ARHGEF10: variants seen among roughly 807,000 people sequenced by gnomAD.
ARHGEF10 encodes the protein Rho guanine nucleotide exchange factor (GEF) 10.
Under a neutral mutation model 147.4 loss-of-function variants are expected in ARHGEF10, and 140 were observed. That is an observed-to-expected ratio of 0.95 (90% CI 0.83 to 1.09). The LOEUF (loss-of-function observed/expected upper bound fraction) is 1.09, where lower values mean the gene tolerates loss of function less well. ARHGEF10 is among the 50% of genes least tolerant of loss of function. The pLI, the probability that ARHGEF10 is intolerant of heterozygous loss-of-function variation, is 0.00. For missense variants in ARHGEF10, 2,222 were observed against 1,752.7 expected (o/e 1.27, Z -4.78); for synonymous variants, 902 against 695.8 (o/e 1.30, Z -4.67).
At chr8:1,930,446 A>G (rs1316847687) in intron 25 of ARHGEF10, among the ~76,000 whole-genome samples, 1 of 151,892 alleles carries the variant, frequency 6.6e-6, no homozygotes, top group Non-Finnish European at 1.5e-5. Context: ...CATTCTCCAA[A>G]TATTTGTTAT....
At chr8:1,844,437 G>GGTA (rs1563165671) in intron 2 of ARHGEF10, among the ~76,000 whole-genome samples, 2 of 113,812 alleles carry the variant, frequency 1.8e-5, no homozygotes, top group African/African-American at 6.1e-5. Flanking sequence ...GGGGCCTGCT[G>GGTA]GACGACAGAG....
rs914127501 is a variant in ARHGEF10, at chr8:1,958,588, A to T, written c.*1325A>T. On this transcript the variant is annotated 3_prime_UTR_variant, in exon 29 of 29. Coordinates refer to ENST00000349830, the MANE Select transcript of ARHGEF10 (RefSeq NM_014629.4). ...AAGTGATTTCTTCCCAAGCTTCTCAAACTGTTAGCTGCTGTCTGACTTCAT... is the reference window on the plus strand; with the variant it reads ...AAGTGATTTCTTCCCAAGCTTCTCATACTGTTAGCTGCTGTCTGACTTCAT... The T allele has an allele frequency of 1.3e-5, 2 of 152,062 alleles. No homozygotes were observed. The highest frequency in any genetic ancestry group is 2.9e-5 in the Non-Finnish European group (2 of 68,020). The allele number at this position is 152,062 out of a possible 1,614,324, so 9.4% of individuals were successfully genotyped here.
chr8:1,840,711 G>A (rs1157100965), intron 1 of ARHGEF10, among the ~76,000 whole-genome samples: 1 of 152,150 alleles, frequency 6.6e-6, no homozygotes, highest in African/African-American at 2.4e-5. Flanking sequence ...CCTCCCATGA[G>A]CGTCATTCCC....
chr8:1,910,880 A>G (rs1811305507), intron 18 of ARHGEF10, among the ~76,000 whole-genome samples: 1 of 152,230 alleles, frequency 6.6e-6, no homozygotes, highest in South Asian at 2.1e-4. Context: ...ACTTTGATCC[A>G]TAAAATAGTA....
At chr8:1,831,730 C>G (rs1803121915) in intron 1 of ARHGEF10, among the ~76,000 whole-genome samples, 1 of 152,256 alleles carries the variant, frequency 6.6e-6, no homozygotes, top group South Asian at 2.1e-4. Context: ...TCATGTACTG[C>G]TGTGCGGGTC....
intron 2 of ARHGEF10, among the ~76,000 whole-genome samples, chr8:1,844,426 C>T (rs150166609): frequency 0.074 from 2,323 of 31,292 alleles, 35 homozygotes; most frequent in African/African-American, 0.086. Context: ...CAGGGGTCAC[C>T]GGGGCCTGCT....
intron 15 of ARHGEF10, among the ~76,000 whole-genome samples, chr8:1,899,085 A>T (rs959597065): frequency 3.3e-5 from 5 of 152,196 alleles, no homozygotes; most frequent in African/African-American, 1.2e-4. Flanking sequence ...TAAACTAAGG[A>T]TTCTCAATTG....
intron 4 of ARHGEF10, among the ~76,000 whole-genome samples, chr8:1,861,226 G>C (rs897344445): frequency 6.6e-6 from 1 of 152,234 alleles, no homozygotes; most frequent in African/African-American, 2.4e-5. Context: ...CCCGTTCTCT[G>C]CTGTCCTTAC....
At position 1,928,501 on chromosome 8, in the gene ARHGEF10, G is replaced by A; in HGVS notation, c.2772G>A (p.Glu924=). Reference sequence around the variant, plus strand: ...AAAATTCCACTCCCAAAGTCATTGAGTGCTTCAACGTGGAATCTCGCATCC... The same window carrying A: ...AAAATTCCACTCCCAAAGTCATTGAATGCTTCAACGTGGAATCTCGCATCC... ...SFQNSTPKVI[E]CFNVESRILC... Residue 924 remains glutamate (E), a synonymous_variant, in exon 24 of 29, where the codon GAG becomes GAA. Coordinates refer to ENST00000349830, the MANE Select transcript of ARHGEF10 (RefSeq NM_014629.4). 6.2e-7 allele frequency: 1 copy of A among 1,614,198 alleles called. No homozygotes were observed. Among genetic ancestry groups the A allele is most frequent in the Non-Finnish European group, 8.5e-7 (1 of 1,180,040 alleles).
At chr8:1,883,556 T>C (rs1435106654) in intron 10 of ARHGEF10, among the ~76,000 whole-genome samples, 1 of 152,210 alleles carries the variant, frequency 6.6e-6, no homozygotes, top group Admixed American at 6.5e-5. Flanking sequence ...GTAATTGGTA[T>C]GACATGGTGT....
chr8:1,841,818 GCGGGAACTGGGGCCGCGA>G (rs1391377290), intron 1 of ARHGEF10, among the ~76,000 whole-genome samples: 3,457 of 103,650 alleles, frequency 0.033, 265 homozygotes, highest in Non-Finnish European at 0.042. Flanking sequence ...TGGGGCCGCG[GCGGGAACTGGGGCCGCGA>G]CGGGAACTGG....
At chr8:1,917,510 C>A (rs1811847911) in intron 18 of ARHGEF10, among the ~76,000 whole-genome samples, 2 of 152,176 alleles carry the variant, frequency 1.3e-5, no homozygotes, top group Non-Finnish European at 2.9e-5. Context: ...GCCACACAAA[C>A]CCTTCCTTGT....
intron 2 of ARHGEF10, among the ~76,000 whole-genome samples, chr8:1,854,423 G>A (rs1805394589): frequency 6.6e-6 from 1 of 152,224 alleles, no homozygotes. Flanking sequence ...CTTGTAGAAA[G>A]GCTATTTTTT....
intron 10 of ARHGEF10, 47 bp downstream of exon 10, chr8:1,882,796 G>A (rs767527314): frequency 7.4e-5 from 98 of 1,330,458 alleles, no homozygotes; most frequent in Admixed American, 1.0e-4. Context: ...GGGTTGGGGG[G>A]GGCGGCCACA....
chr8:1,908,756 T>C (rs11991630), intron 17 of ARHGEF10, among the ~76,000 whole-genome samples: 18,988 of 151,888 alleles, frequency 0.13, 1,234 homozygotes, highest in Admixed American at 0.16. Flanking sequence ...GTTCTATTTA[T>C]GATAAAAGAA....
chr8:1,825,880 TG>T (rs1563140185), intron 1 of ARHGEF10, among the ~76,000 whole-genome samples: 1 of 152,220 alleles, frequency 6.6e-6, no homozygotes, highest in Admixed American at 6.5e-5. Flanking sequence ...AATGTCCATA[TG>T]GGTGGAATGC....
rs1444987212 is a variant in ARHGEF10, at chr8:1,823,942, C to G, written c.-219C>G. The stretch of plus-strand genomic sequence containing the variant: ...CCGGGCGGGAGGGGCTGGGCGCATC[C>G]CTGTAGCCGGCGGGCGCGCGATCCG... On this transcript the variant is annotated 5_prime_UTR_variant, in exon 1 of 29. Transcript: ENST00000349830. 6.8e-6 allele frequency: 1 copy of G among 147,828 alleles called. No homozygotes were observed. Among genetic ancestry groups the G allele is most frequent in the African/African-American group, 2.5e-5 (1 of 39,434 alleles). 9.2% of individuals were successfully genotyped at this position (147,828 alleles called of 1,614,324 possible). A position where few individuals can be genotyped will look rare whatever the true frequency, so the allele number is the denominator to read the frequency against.
intron 22 of ARHGEF10, 39 bp downstream of exon 22, chr8:1,925,443 A>C: frequency 1.2e-6 from 2 of 1,611,754 alleles, no homozygotes; most frequent in Non-Finnish European, 1.7e-6. Flanking sequence ...GGTGGGACGC[A>C]CCTCGCAGCT....
chr8:1,917,764 TTTTTCTTTTC>T (rs557115904), intron 18 of ARHGEF10, among the ~76,000 whole-genome samples: 14 of 152,192 alleles, frequency 9.2e-5, no homozygotes, highest in Admixed American at 2.0e-4. Flanking sequence ...TGTTTCTTTC[TTTTTCTTTTC>T]TTTTCTTTTC....
Sources: allele counts gnomAD v4.1 joint callset (sites outside exome capture counted in the v4.1 genomes callset), GRCh38; gene constraint gnomAD v4.1.1; transcripts MANE v1.5; gene names NCBI Gene and HGNC (gene_info 2026-07-23, HGNC 2026-07-21).